The following TENM4 variants were observed in gnomAD, a reference collection of about 807,000 sequenced individuals.
TENM4 encodes teneurin-4.
A neutral mutation model predicts 243.3 loss-of-function variants in TENM4; 82 were observed. That is an observed-to-expected ratio of 0.34 (90% CI 0.28 to 0.40). TENM4 has a LOEUF of 0.40. Ranked by LOEUF, TENM4 falls within the 10% of genes least tolerant of loss-of-function variation. The pLI is 1.00. For synonymous variants in TENM4, 1,412 were observed against 1,456.3 expected, an observed-to-expected ratio of 0.97 and a Z score of 0.69; for missense variants, 3,138 against 3,673.3, an observed-to-expected ratio of 0.85 and a Z score of 3.77.
intron 4 of TENM4, among the ~76,000 whole-genome samples, chr11:79,085,989 C>A (rs1043842162): frequency 6.6e-6 from 1 of 152,144 alleles, no homozygotes; most frequent in Admixed American, 6.5e-5. Context: ...GCACAGCATC[C>A]TGTATTTATT....
At chr11:79,378,884 T>TAAAAAA (rs34204961) in intron 1 of TENM4, among the ~76,000 whole-genome samples, 27 of 116,906 alleles carry the variant, frequency 2.3e-4, no homozygotes, top group African/African-American at 8.7e-4. Context: ...CCCTGTCTGT[T>TAAAAAA]AAAAAAAAAA....
At chr11:79,019,275 T>C (rs1219580498) in intron 6 of TENM4, among the ~76,000 whole-genome samples, 2 of 152,136 alleles carry the variant, frequency 1.3e-5, no homozygotes, top group East Asian at 1.9e-4. Context: ...GAAGAAAAGA[T>C]GGAAGTTAGT....
At chr11:78,792,084 ATGAGTGG>A (rs1178514788) in intron 15 of TENM4, among the ~76,000 whole-genome samples, 2 of 152,210 alleles carry the variant, frequency 1.3e-5, no homozygotes, top group African/African-American at 4.8e-5. Flanking sequence ...CCCCTCTAGG[ATGAGTGG>A]TGACAACTGA....
At chr11:78,981,591 C>A (rs1016713379) in intron 6 of TENM4, among the ~76,000 whole-genome samples, 3 of 152,080 alleles carry the variant, frequency 2.0e-5, no homozygotes, top group Admixed American at 6.5e-5. Context: ...GTTCCCTGGA[C>A]GGGGAATCAT....
intron 4 of TENM4, among the ~76,000 whole-genome samples, chr11:79,098,485 G>C (rs1035105307): frequency 6.6e-6 from 1 of 152,174 alleles, no homozygotes; most frequent in Non-Finnish European, 1.5e-5. Context: ...GTAGAAAACA[G>C]GACACTTAGC....
intron 4 of TENM4, among the ~76,000 whole-genome samples, chr11:79,109,661 G>A (rs1251279197): frequency 6.6e-6 from 1 of 152,222 alleles, no homozygotes; most frequent in Non-Finnish European, 1.5e-5. Flanking sequence ...AGTGTCAAAG[G>A]GTTGCCGAGT....
intron 15 of TENM4, among the ~76,000 whole-genome samples, chr11:78,790,323 C>T (rs1454558895): frequency 6.6e-6 from 1 of 152,232 alleles, no homozygotes; most frequent in African/African-American, 2.4e-5. Context: ...GGGTAATCTG[C>T]AAGCTGCCAA....
chr11:79,311,543 T>C (rs759720852), intron 1 of TENM4, among the ~76,000 whole-genome samples: 1 of 152,220 alleles, frequency 6.6e-6, no homozygotes, highest in Admixed American at 6.5e-5. Flanking sequence ...ATTGGGCTGA[T>C]ATTTTACAAG....
chr11:79,178,116 G>C (rs921516788), intron 3 of TENM4, among the ~76,000 whole-genome samples: 1 of 152,136 alleles, frequency 6.6e-6, no homozygotes, highest in Non-Finnish European at 1.5e-5. Context: ...CTGCTGATGG[G>C]TTGGATGTGG....
intron 6 of TENM4, among the ~76,000 whole-genome samples, chr11:78,966,193 T>TAAAAAAAAAAAAA (rs34603312): frequency 2.3e-5 from 3 of 131,602 alleles, no homozygotes; most frequent in Non-Finnish European, 3.2e-5. Context: ...AAAGGAAAAT[T>TAAAAAAAAAAAAA]AAAAAAAAAA....
intron 1 of TENM4, among the ~76,000 whole-genome samples, chr11:79,302,491 T>A (rs1214798015): frequency 2.6e-5 from 4 of 152,234 alleles, no homozygotes; most frequent in African/African-American, 9.6e-5. Context: ...ATATCTAATA[T>A]AGTATACCAA....
chr11:79,257,973 C>T (rs927944175), intron 2 of TENM4, among the ~76,000 whole-genome samples: 4 of 152,198 alleles, frequency 2.6e-5, no homozygotes, highest in Non-Finnish European at 5.9e-5. Context: ...TGCTCAGGTG[C>T]AAGAGTTTAA....
chr11:79,271,775 C>T (rs1855973902), intron 2 of TENM4, among the ~76,000 whole-genome samples: 1 of 152,202 alleles, frequency 6.6e-6, no homozygotes, highest in South Asian at 2.1e-4. Flanking sequence ...AAGTGGTGGC[C>T]TCTGGCCTGG....
At chr11:78,766,621 T>A (rs1238513938) in intron 18 of TENM4, among the ~76,000 whole-genome samples, 1 of 151,992 alleles carries the variant, frequency 6.6e-6, no homozygotes, top group Non-Finnish European at 1.5e-5. Flanking sequence ...TTTCCATTTT[T>A]AAATCTAGCC....
chr11:78,963,157 A>C (rs1268997286), intron 6 of TENM4, among the ~76,000 whole-genome samples: 2 of 152,248 alleles, frequency 1.3e-5, no homozygotes, highest in African/African-American at 4.8e-5. Flanking sequence ...AGATTAGAAC[A>C]TGCTATAATT....
At chr11:79,234,452 G>C (rs1331805391) in intron 2 of TENM4, among the ~76,000 whole-genome samples, 1 of 151,924 alleles carries the variant, frequency 6.6e-6, no homozygotes, top group Non-Finnish European at 1.5e-5. Context: ...GCAATTCACT[G>C]CATGGGGCTG....
chr11:79,433,466 T>C (rs537188954), intron 1 of TENM4, among the ~76,000 whole-genome samples: 204 of 152,326 alleles, frequency 1.3e-3, no homozygotes, highest in Non-Finnish European at 2.5e-3. Flanking sequence ...ATAAATGTAC[T>C]AACTGCAACC....
At chr11:79,159,680 G>A (rs1862700513) in intron 3 of TENM4, among the ~76,000 whole-genome samples, 1 of 152,118 alleles carries the variant, frequency 6.6e-6, no homozygotes, top group Admixed American at 6.5e-5. Context: ...CTCCAGTCCT[G>A]CCCTACAACC....
At chr11:79,254,455 A>G (rs186531022) in intron 2 of TENM4, among the ~76,000 whole-genome samples, 1 of 152,322 alleles carries the variant, frequency 6.6e-6, no homozygotes, top group East Asian at 1.9e-4. Flanking sequence ...ACTTTCTTTT[A>G]CGGAAGAATA....
Sources: gnomAD v4.1 joint callset for allele counts (sites outside exome capture counted in the v4.1 genomes callset) on GRCh38, gnomAD v4.1.1 for gene constraint, MANE v1.5 for transcripts, NCBI Gene and HGNC (gene_info 2026-07-23, HGNC 2026-07-21) for gene names.